Variants in FRAS1 observed in about 807,000 individuals in gnomAD.
FRAS1 encodes the protein Fraser extracellular matrix complex subunit 1.
Under a neutral mutation model 435.2 loss-of-function variants are expected in FRAS1, and 290 were observed. The ratio of observed to expected loss-of-function variants is 0.67; its 90% CI spans 0.61 to 0.73. The LOEUF (loss-of-function observed/expected upper bound fraction) is 0.73. FRAS1 is among the 30% of genes least tolerant of loss of function. The pLI, the probability that FRAS1 is intolerant of heterozygous loss-of-function variation, is 0.00. For synonymous variants in FRAS1, 1,800 were observed against 1,851.0 expected, an observed-to-expected ratio of 0.97 and a Z score of 0.71; for missense variants, 4,860 against 5,001.5, an observed-to-expected ratio of 0.97 and a Z score of 0.85.
chr4:78,316,816 C>G (rs1729275305), intron 16 of FRAS1, among the ~76,000 whole-genome samples: 1 of 152,150 alleles, frequency 6.6e-6, no homozygotes, highest in East Asian at 1.9e-4. Context: ...GTGCTCATGC[C>G]AAGAAAACTA....
intron 2 of FRAS1, chr4:78,181,945 C>T (rs1171373458): frequency 5.8e-5 from 94 of 1,608,654 alleles, no homozygotes; most frequent in Non-Finnish European, 7.6e-5. Context: ...TCTTGTTCTC[C>T]GCTGCCTTCA....
intron 58 of FRAS1, among the ~76,000 whole-genome samples, chr4:78,488,559 A>C (rs535803228): frequency 6.6e-6 from 1 of 152,358 alleles, no homozygotes; most frequent in African/African-American, 2.4e-5. Flanking sequence ...AATTTTTCTT[A>C]CAATTATCCC....
At chr4:78,066,236 T>A (rs1238837742) in intron 2 of FRAS1, among the ~76,000 whole-genome samples, 1 of 152,194 alleles carries the variant, frequency 6.6e-6, no homozygotes. Flanking sequence ...GAAGAGAAAT[T>A]CAAACACTCA....
At chr4:78,525,057 A>G (rs1721489207) in intron 69 of FRAS1, among the ~76,000 whole-genome samples, 1 of 152,094 alleles carries the variant, frequency 6.6e-6, no homozygotes, top group East Asian at 1.9e-4. Context: ...GCTGGCATGG[A>G]GTGAGCAGGG....
At chr4:78,371,598 C>T (rs2110307237) in intron 23 of FRAS1, among the ~76,000 whole-genome samples, 1 of 152,112 alleles carries the variant, frequency 6.6e-6, no homozygotes, top group East Asian at 1.9e-4. Context: ...AGGTGAGAAA[C>T]CAGGATAATA....
chr4:78,284,229 A>ATTTTTGTTTTT (rs1727467234), intron 12 of FRAS1, among the ~76,000 whole-genome samples, 176 bp from the exon 13 acceptor site: 1 of 80,818 alleles, frequency 1.2e-5, no homozygotes, highest in Non-Finnish European at 2.4e-5. Flanking sequence ...ATTGGAATGT[A>ATTTTTGTTTTT]TTTTTTTTTT....
Position 78,337,566 on chromosome 4 carries a change from T to TTA in FRAS1, c.2279-107_2279-106dup. The TTA allele has an allele frequency of 4.7e-6, 6 of 1,280,458 alleles. No homozygotes were observed. In the South Asian group the frequency reaches 8.3e-5, roughly 18 times the overall value. 79.3% of individuals were successfully genotyped at this position (1,280,458 alleles called of 1,614,324 possible). On this transcript the variant is annotated intron_variant, in intron 19 of 73. Transcript: ENST00000512123. Reference sequence around the variant, plus strand: ...TTGCTCAGGAATCTTCTAAAGATGATTAGAGTTGGAGGTCTGCTTTTAATG... The same window carrying TTA: ...TTGCTCAGGAATCTTCTAAAGATGATTATAGAGTTGGAGGTCTGCTTTTAATG...
At chr4:78,242,074 C>A (rs1725024283) in intron 3 of FRAS1, among the ~76,000 whole-genome samples, 1 of 152,126 alleles carries the variant, frequency 6.6e-6, no homozygotes, top group Non-Finnish European at 1.5e-5. Context: ...ACTTTTTCAA[C>A]TCTAAGATCA....
chr4:78,085,832 T>C (rs1741129783), intron 2 of FRAS1, among the ~76,000 whole-genome samples: 1 of 152,128 alleles, frequency 6.6e-6, no homozygotes, highest in Non-Finnish European at 1.5e-5. Flanking sequence ...AATGGGAGAC[T>C]TTAACACTCC....
At chr4:78,356,581 C>T (rs1730866116) in intron 20 of FRAS1, among the ~76,000 whole-genome samples, 1 of 152,160 alleles carries the variant, frequency 6.6e-6, no homozygotes, top group African/African-American at 2.4e-5. Context: ...ATGCCTACTC[C>T]AGCATAAGCC....
At chr4:78,207,228 T>C (rs951940760) in intron 2 of FRAS1, among the ~76,000 whole-genome samples, 3 of 152,214 alleles carry the variant, frequency 2.0e-5, no homozygotes, top group Admixed American at 1.3e-4. Flanking sequence ...AACTTTTTCT[T>C]CTTCTTTTGT....
chr4:78,251,442 T>G (rs1407931016), intron 4 of FRAS1, among the ~76,000 whole-genome samples: 1 of 152,234 alleles, frequency 6.6e-6, no homozygotes, highest in Admixed American at 6.5e-5. Flanking sequence ...CGGTTGGATA[T>G]GCATATATAT....
Position 78,267,293 on chromosome 4 carries a change from C to T in FRAS1, c.842C>T (p.Pro281Leu), listed in dbSNP as rs1438557373. 10 of 1,613,854 alleles carry T rather than the reference C, an allele frequency of 6.2e-6. No homozygotes were observed. The highest frequency in any genetic ancestry group is 8.5e-6 in the Non-Finnish European group (10 of 1,179,856). ...CAATGCTGTGAGGAATGTGTGTCTC[C>T]TGCCGGGAGCTGCTCCTATGATGGA... ...HGQCCEECVS[P>L]AGSCSYDGVV... The change falls in exon 9 of 74, where the codon CCT (proline) becomes CTT (leucine). Residue 281 changes from proline to leucine, a missense_variant. Coordinates refer to ENST00000512123, the MANE Select transcript of FRAS1 (RefSeq NM_025074.7).
At chr4:78,068,544 T>C (rs1424445523) in intron 2 of FRAS1, 1 of 456,146 alleles carries the variant, frequency 2.2e-6, no homozygotes, top group East Asian at 6.9e-5. Flanking sequence ...CTTTAGCTTG[T>C]CCTTTCAGGA....
intron 67 of FRAS1, among the ~76,000 whole-genome samples, chr4:78,521,142 G>A (rs1267546214): frequency 6.6e-6 from 1 of 152,188 alleles, no homozygotes; most frequent in African/African-American, 2.4e-5. Context: ...GTTAAGTCCG[G>A]AAAGGTATCT....
In FRAS1 at chr4:78,481,898, C is replaced by T. The variant is rs780129203; in HGVS notation, c.8538C>T (p.Ala2846=). 4.3e-6 allele frequency: 7 copies of T among 1,613,826 alleles called. No individual in the cohort carries two copies. The highest frequency in any genetic ancestry group is 5.9e-6 in the Non-Finnish European group (7 of 1,179,838). Reference sequence around the variant, plus strand: ...CGCGGCCCTCAGACCCAGCTTCTGCCACACCAGGAGTTGACTACGTTCCCA... The same window carrying T: ...CGCGGCCCTCAGACCCAGCTTCTGCTACACCAGGAGTTGACTACGTTCCCA... ...CATRPSDPAS[A]TPGVDYVPSS... is the part of the protein sequence containing the mutation. The change falls in exon 57 of 74, where the codon GCC becomes GCT. Residue 2846 remains alanine, a synonymous_variant. Coordinates refer to ENST00000512123, the MANE Select transcript of FRAS1 (RefSeq NM_025074.7).
At chr4:78,489,438 A>G (rs1166407107) in intron 59 of FRAS1, among the ~76,000 whole-genome samples, 1 of 152,200 alleles carries the variant, frequency 6.6e-6, no homozygotes, top group Non-Finnish European at 1.5e-5. Flanking sequence ...ATCATCATAA[A>G]GGTCTTCATC....
intron 70 of FRAS1, among the ~76,000 whole-genome samples, chr4:78,532,520 TATG>T (rs1721747063): frequency 6.6e-6 from 1 of 152,220 alleles, no homozygotes; most frequent in South Asian, 2.1e-4. Flanking sequence ...CGTGTGTGTG[TATG>T]ATAAGAGTAC....
chr4:78,454,634 A>G (rs1255888418), intron 47 of FRAS1, among the ~76,000 whole-genome samples: 1 of 152,266 alleles, frequency 6.6e-6, no homozygotes, highest in Non-Finnish European at 1.5e-5. Flanking sequence ...CTCTCCAAAG[A>G]TGAAAGGGCA....
Sources: allele counts gnomAD v4.1 joint callset (sites outside exome capture counted in the v4.1 genomes callset), GRCh38; gene constraint gnomAD v4.1.1; transcripts MANE v1.5; gene names NCBI Gene and HGNC (gene_info 2026-07-23, HGNC 2026-07-21).